TMEM87B: variants seen among roughly 807,000 people sequenced by gnomAD.
TMEM87B encodes transmembrane protein 87B.
TMEM87B carries 83 observed loss-of-function variants against 80.3 expected under a neutral mutation model. The ratio of observed to expected loss-of-function variants is 1.03; its 90% CI spans 0.87 to 1.24. TMEM87B has a LOEUF of 1.24. Ranked by LOEUF, TMEM87B falls within the 50% of genes most tolerant of loss-of-function variation. The pLI is 0.00. For missense variants in TMEM87B, 625 were observed against 674.4 expected, an observed-to-expected ratio of 0.93 and a Z score of 0.81; for synonymous variants, 219 against 230.5, an observed-to-expected ratio of 0.95 and a Z score of 0.45.
intron 4 of TMEM87B, among the ~76,000 whole-genome samples, chr2:112,068,341 A>T (rs906924740): frequency 4.6e-5 from 7 of 152,224 alleles, no homozygotes; most frequent in Non-Finnish European, 8.8e-5. Flanking sequence ...AAAAGTTTTA[A>T]AGGAGTTCTC....
intron 17 of TMEM87B, among the ~76,000 whole-genome samples, chr2:112,111,076 G>A (rs1253796560): frequency 6.6e-6 from 1 of 152,132 alleles, no homozygotes; most frequent in Non-Finnish European, 1.5e-5. Flanking sequence ...AGTCACAGCA[G>A]GGAATCTGTT....
intron 11 of TMEM87B, among the ~76,000 whole-genome samples, chr2:112,092,504 G>A (rs192234832): frequency 6.6e-6 from 1 of 152,222 alleles, no homozygotes; most frequent in Non-Finnish European, 1.5e-5. Flanking sequence ...TGAGAACTCT[G>A]GTGACAGAAG....
At chr2:112,091,846 T>C in intron 11 of TMEM87B, 63 bp downstream of exon 11, 3 of 1,239,324 alleles carry the variant, frequency 2.4e-6, no homozygotes, top group Non-Finnish European at 2.3e-6. Flanking sequence ...TACATGTAAT[T>C]TGTAATAACA....
At chr2:112,091,617 A>C in intron 10 of TMEM87B, 95 bp from the exon 11 acceptor site, 1 of 834,536 alleles carries the variant, frequency 1.2e-6, no homozygotes, top group South Asian at 1.6e-5. Context: ...TAAAGTAATG[A>C]GATAAGCTAA....
chr2:112,089,562 T>G, intron 9 of TMEM87B, 63 bp from the exon 10 acceptor site: 1 of 1,424,524 alleles, frequency 7.0e-7, no homozygotes, highest in East Asian at 2.3e-5. Flanking sequence ...AGTTACTGTA[T>G]TCAGGTGCAT....
chr2:112,102,006 A>T (rs190470666), intron 15 of TMEM87B, among the ~76,000 whole-genome samples: 16 of 152,304 alleles, frequency 1.1e-4, no homozygotes, highest in East Asian at 9.6e-4. Context: ...TTTAAAAAAA[A>T]TTTTTTTAAT....
intron 1 of TMEM87B, among the ~76,000 whole-genome samples, chr2:112,056,561 C>G (rs1371613597): frequency 6.6e-6 from 1 of 152,198 alleles, no homozygotes; most frequent in Non-Finnish European, 1.5e-5. Flanking sequence ...GAGGCATTAT[C>G]TCCGGCTTCT....
intron 11 of TMEM87B, among the ~76,000 whole-genome samples, chr2:112,094,791 A>G (rs1020666625): frequency 2.6e-5 from 4 of 152,212 alleles, no homozygotes; most frequent in African/African-American, 9.6e-5. Context: ...AAGGAAGTCT[A>G]GTGTCTATTT....
rs1680050714 is a variant in TMEM87B, at chr2:112,117,332, C to T, written c.*1189C>T. On this transcript the variant is annotated 3_prime_UTR_variant, in exon 19 of 19. Transcript: ENST00000283206. ...TGTCTTTTCTTTGAAGGAGTTCTAA[C>T]CTTGTAAATTGAGAATGACTTCAGA... 1 of 152,072 alleles carries T rather than the reference C, an allele frequency of 6.6e-6. No homozygotes were observed. The highest frequency in any genetic ancestry group is 2.4e-5 in the African/African-American group (1 of 41,408). 9.4% of individuals were successfully genotyped at this position (152,072 alleles called of 1,614,324 possible). A position where few individuals can be genotyped will look rare whatever the true frequency, so the allele number is the denominator to read the frequency against.
chr2:112,075,078 G>T, intron 5 of TMEM87B, 116 bp downstream of exon 5: 1 of 1,390,588 alleles, frequency 7.2e-7, no homozygotes, highest in Non-Finnish European at 9.5e-7. Flanking sequence ...TTAGAACTGT[G>T]GAAGGAAAAG....
At chr2:112,059,697 C>T (rs1472184023) in intron 1 of TMEM87B, among the ~76,000 whole-genome samples, 1 of 152,176 alleles carries the variant, frequency 6.6e-6, no homozygotes, top group Non-Finnish European at 1.5e-5. Flanking sequence ...CACGTCTGAG[C>T]AGCACTAATC....
In TMEM87B at chr2:112,060,053, C is replaced by G. The variant is rs1412162742; in HGVS notation, c.226+16C>G. 6.5e-7 allele frequency: 1 copy of G among 1,548,928 alleles called. No homozygotes were observed. Among genetic ancestry groups the G allele is most frequent in the African/African-American group, 1.4e-5 (1 of 72,912 alleles). ...AAGTTATCTGGTAAGTATAATAAAACAATAAAATACTAGACTGGGCGCAAT... is the reference window on the plus strand; with the variant it reads ...AAGTTATCTGGTAAGTATAATAAAAGAATAAAATACTAGACTGGGCGCAAT... On this transcript the variant is annotated intron_variant, in intron 2 of 18. Transcript: ENST00000283206.
At position 112,071,116 on chromosome 2, in the gene TMEM87B, G is replaced by A. The variant is rs573544640; in HGVS notation, c.451-3796G>A. On this transcript the variant is annotated intron_variant, in intron 4 of 18. Transcript: ENST00000283206. ...TGGGATTACAGGCATGAGCCACTGC[G>A]CCCGGCTGAGCATGGAACATCTTTC... 3.5e-3 allele frequency among the ~76,000 whole-genome samples: 539 copies of A among 151,986 alleles called. 2 individuals carry two copies. The highest frequency in any genetic ancestry group is 0.02 in the Middle Eastern group (6 of 294).
chr2:112,087,899 G>T (rs560444891), intron 9 of TMEM87B, among the ~76,000 whole-genome samples: 2 of 152,144 alleles, frequency 1.3e-5, no homozygotes, highest in African/African-American at 4.8e-5. Context: ...CAGTTGTCCC[G>T]TGAGCAGCTT....
chr2:112,089,566 G>C (rs1215917465), intron 9 of TMEM87B, 59 bp from the exon 10 acceptor site: 1 of 1,459,202 alleles, frequency 6.9e-7, no homozygotes, highest in Non-Finnish European at 9.6e-7. Flanking sequence ...ACTGTATTCA[G>C]GTGCATTTTA....
intron 14 of TMEM87B, among the ~76,000 whole-genome samples, chr2:112,099,525 CATATATATATATATATATAT>C (rs778514391): frequency 1.4e-4 from 17 of 122,820 alleles, no homozygotes; most frequent in Non-Finnish European, 2.1e-4. Context: ...TACAATAATA[CATATATATATATATATATAT>C]ATATATATAT....
chr2:112,098,830 C>A, intron 14 of TMEM87B, 132 bp downstream of exon 14: 3 of 759,538 alleles, frequency 3.9e-6, no homozygotes, highest in Non-Finnish European at 2.1e-6. Flanking sequence ...GGGAGATAAG[C>A]AAAACAAATG....
At chr2:112,102,481 GT>G (rs1486740106) in intron 15 of TMEM87B, among the ~76,000 whole-genome samples, 1 of 152,102 alleles carries the variant, frequency 6.6e-6, no homozygotes, top group African/African-American at 2.4e-5. Context: ...ATCACCTGAG[GT>G]CAGGAGTTCG....
At position 112,081,057 on chromosome 2, in the gene TMEM87B, T is replaced by C; in HGVS notation, c.593T>C (p.Val198Ala). The C allele has an allele frequency of 6.2e-7, 1 of 1,611,518 alleles. No individual in the cohort carries two copies. Among genetic ancestry groups the C allele is most frequent in the South Asian group, 1.1e-5 (1 of 90,998 alleles). Residue 198 changes from valine (V) to alanine (A), a missense_variant and splice_region_variant, in exon 7 of 19, where the codon GTT becomes GCT. Val to Ala is a moderately conservative substitution (Grantham distance 64). Coordinates refer to ENST00000283206, the MANE Select transcript of TMEM87B (RefSeq NM_032824.3). The stretch of plus-strand genomic sequence containing the variant: ...AACTCTCTCTTCTTCTCTATCCTAG[T>C]TTCTCTTTCTATGATTGGGCCTCAT... ...ENTDASWNLNVSLSMIGPHGY... is the reference protein window; with the variant it reads ...ENTDASWNLNASLSMIGPHGY...
Sources: allele counts gnomAD v4.1 joint callset (sites outside exome capture counted in the v4.1 genomes callset), GRCh38; gene constraint gnomAD v4.1.1; transcripts MANE v1.5; gene names NCBI Gene and HGNC (gene_info 2026-07-23, HGNC 2026-07-21).